ZNF791: variants seen among roughly 807,000 people sequenced by gnomAD.
ZNF791 encodes zinc finger protein 791.
A neutral mutation model predicts 11.5 loss-of-function variants in ZNF791; 4 were observed. The ratio of observed to expected loss-of-function variants is 0.35; its 90% CI spans 0.17 to 0.80. The LOEUF is 0.80. Ranked by LOEUF, ZNF791 falls within the 30% of genes least tolerant of loss-of-function variation. The pLI is 0.53. For missense variants in ZNF791, 559 were observed against 699.4 expected (o/e 0.80, Z 2.26); for synonymous variants, 212 against 228.1 (o/e 0.93, Z 0.64).
rs759938487 is a variant in ZNF791 at position 12,623,756 on chromosome 19, GCT to G, written c.61_62del (p.Leu21GlyfsTer32). The G allele has an allele frequency of 2.5e-6, 4 of 1,613,470 alleles. No homozygotes were observed. Among genetic ancestry groups the G allele is most frequent in the African/African-American group, 1.3e-5 (1 of 74,842 alleles). The part of the protein sequence containing the change: ...VSFSQEEWAL[L>X]APSQKKLYRD... ...GCTTCAGCCAGGAGGAGTGGGCTCTGCTGGCTCCTTCACAGAAGAAACTCTAC... is the reference window on the plus strand; with the variant it reads ...GCTTCAGCCAGGAGGAGTGGGCTCTGGGCTCCTTCACAGAAGAAACTCTAC... On this transcript the variant is annotated frameshift_variant, in exon 2 of 4. Transcript: ENST00000343325. LOFTEE classifies it high-confidence loss of function.
chr19:12,619,125 G>A (rs1240059194), intron 1 of ZNF791, among the ~76,000 whole-genome samples: 1 of 152,138 alleles, frequency 6.6e-6, no homozygotes, highest in Admixed American at 6.5e-5. Flanking sequence ...GATTACAGGC[G>A]TGAGCCACCA....
At chr19:12,614,200 C>T (rs563901052) in intron 1 of ZNF791, among the ~76,000 whole-genome samples, 57 of 152,178 alleles carry the variant, frequency 3.7e-4, no homozygotes, top group African/African-American at 1.3e-3. Flanking sequence ...CCTCCATTAC[C>T]AGGTACTGAC....
In ZNF791 at chr19:12,623,873, G is replaced by GGGT. The variant is rs5827159; in HGVS notation, c.130+49_130+50insTGG. 3.5e-4 allele frequency: 349 copies of GGGT among 992,194 alleles called. 53 individuals carry two copies. Among genetic ancestry groups the GGGT allele is most frequent in the Non-Finnish European group, 4.7e-4 (329 of 696,522 alleles). 61.5% of individuals were successfully genotyped at this position (992,194 alleles called of 1,614,324 possible). A position where few individuals can be genotyped will look rare whatever the true frequency, so the allele number is the denominator to read the frequency against. On this transcript the variant is annotated intron_variant, in intron 2 of 3. Coordinates refer to ENST00000343325, the MANE Select transcript of ZNF791 (RefSeq NM_153358.3). Reference sequence around the variant, plus strand: ...CTTTTTTCTTTTTTTTTTTTTTTGGGGGGGGACAGAGTTTCACTATTGTCC... The same window carrying GGGT: ...CTTTTTTCTTTTTTTTTTTTTTTGGGGGTGGGGGACAGAGTTTCACTATTGTCC...
At chr19:12,626,040 C>A (rs1349342284) in intron 3 of ZNF791, among the ~76,000 whole-genome samples, 2 of 151,770 alleles carry the variant, frequency 1.3e-5, no homozygotes, top group East Asian at 3.9e-4. Context: ...TTTTTTGAGA[C>A]GGAGTCTCGC....
At chr19:12,626,846 C>G (rs2023436826) in intron 3 of ZNF791, among the ~76,000 whole-genome samples, 2 of 152,124 alleles carry the variant, frequency 1.3e-5, no homozygotes, top group South Asian at 2.1e-4. Context: ...ACCTCATGAT[C>G]TGCCCGTCTC....
At chr19:12,614,941 A>G (rs1297123368) in intron 1 of ZNF791, among the ~76,000 whole-genome samples, 1 of 50,600 alleles carries the variant, frequency 2.0e-5, no homozygotes, top group Non-Finnish European at 3.6e-5. Context: ...ACAGCGTCTC[A>G]CTCTGTTGCC....
chr19:12,630,915 G>A lies in ZNF791; in HGVS notation c.*1655G>A, dbSNP rs2023495280. 6.6e-6 allele frequency: 1 copy of A among 152,190 alleles called. No individual in the cohort carries two copies. Among genetic ancestry groups the A allele is most frequent in the Non-Finnish European group, 1.5e-5 (1 of 68,030 alleles). The allele number at this position is 152,190 out of a possible 1,614,324, so 9.4% of individuals were successfully genotyped here. A position where few individuals can be genotyped will look rare whatever the true frequency, so the allele number is the denominator to read the frequency against. On this transcript the variant is annotated 3_prime_UTR_variant, in exon 4 of 4. Transcript: ENST00000343325. ...TTATAAAGAAAATAATGTACAGTAA[G>A]TTAAGGTTTATTCATTATTGAGGAA...
chr19:12,621,201 G>A (rs1395499270), intron 1 of ZNF791, among the ~76,000 whole-genome samples: 1 of 152,146 alleles, frequency 6.6e-6, no homozygotes, highest in African/African-American at 2.4e-5. Flanking sequence ...GCAAAGCCCA[G>A]ATGACATGAT....
At chr19:12,619,688 A>G (rs1404050981) in intron 1 of ZNF791, among the ~76,000 whole-genome samples, 2 of 151,362 alleles carry the variant, frequency 1.3e-5, no homozygotes. Context: ...TGACCTCATG[A>G]TCTACCTGCC....
chr19:12,616,057 G>C (rs1028550483), intron 1 of ZNF791, among the ~76,000 whole-genome samples: 1 of 152,198 alleles, frequency 6.6e-6, no homozygotes, highest in East Asian at 1.9e-4. Flanking sequence ...CAAGGAATGA[G>C]AATTCTTGTT....
intron 1 of ZNF791, among the ~76,000 whole-genome samples, chr19:12,622,122 G>T (rs1305957393): frequency 7.6e-6 from 1 of 130,848 alleles, no homozygotes; most frequent in Admixed American, 7.9e-5. Flanking sequence ...GGCGGTGCAA[G>T]ATGTGCTTTG....
chr19:12,616,782 G>A (rs1461990757), intron 1 of ZNF791, among the ~76,000 whole-genome samples: 1 of 121,560 alleles, frequency 8.2e-6, no homozygotes, highest in African/African-American at 2.8e-5. Context: ...GCAAAAATCT[G>A]TCTGTGCCTT....
At chr19:12,619,446 T>TTA (rs1347837094) in intron 1 of ZNF791, among the ~76,000 whole-genome samples, 9 of 21,346 alleles carry the variant, frequency 4.2e-4, no homozygotes, top group Non-Finnish European at 8.5e-4. Flanking sequence ...AATGTTATCT[T>TTA]TTTTTTTTTT....
chr19:12,625,725 C>T (rs1599326612), intron 3 of ZNF791, among the ~76,000 whole-genome samples: 1 of 142,240 alleles, frequency 7.0e-6, no homozygotes. Flanking sequence ...GCAGAGGTTG[C>T]AGTGAGCCCA....
rs760152425 is a variant in ZNF791, at chr19:12,623,871, G to GA, written c.130+45_130+46insA. On this transcript the variant is annotated intron_variant, in intron 2 of 3. Transcript: ENST00000343325. ...TTCTTTTTTCTTTTTTTTTTTTTTTGGGGGGGGACAGAGTTTCACTATTGT... is the reference window on the plus strand; with the variant it reads ...TTCTTTTTTCTTTTTTTTTTTTTTTGAGGGGGGGACAGAGTTTCACTATTGT... The GA allele has an allele frequency of 4.7e-5, 38 of 811,990 alleles. 5 individuals are homozygous for GA. Among genetic ancestry groups the GA allele is most frequent in the Admixed American group, 1.8e-4 (5 of 27,110 alleles). 50.3% of individuals were successfully genotyped at this position (811,990 alleles called of 1,614,324 possible). A position where few individuals can be genotyped will look rare whatever the true frequency, so the allele number is the denominator to read the frequency against.
intron 1 of ZNF791, among the ~76,000 whole-genome samples, chr19:12,615,652 A>T (rs985860745): frequency 2.6e-5 from 4 of 151,668 alleles, no homozygotes; most frequent in Middle Eastern, 3.4e-3. Flanking sequence ...GGTGGCGCAC[A>T]CCTGTAATCT....
chr19:12,620,046 C>T (rs1183548895), intron 1 of ZNF791, among the ~76,000 whole-genome samples: 1 of 151,962 alleles, frequency 6.6e-6, no homozygotes, highest in Non-Finnish European at 1.5e-5. Flanking sequence ...GCCTCAGCCT[C>T]CCGAGTAGCT....
intron 1 of ZNF791, 84 bp from the exon 2 acceptor site, chr19:12,623,616 A>G: frequency 6.3e-7 from 1 of 1,583,318 alleles, no homozygotes; most frequent in African/African-American, 1.4e-5. Context: ...AGACCACAAA[A>G]TCGTGTGTGA....
chr19:12,628,187 C>A lies in ZNF791; in HGVS notation c.658C>A (p.Gln220Lys), dbSNP rs756185564. The part of the protein sequence containing the change: ...HTGEKPYECK[Q>K]CGKAFSCSSS... ...TGGAGAAAAGCCCTATGAATGTAAA[C>A]AATGTGGGAAAGCCTTCAGTTGTTC... is the stretch of plus-strand genomic sequence containing the variant. Residue 220 changes from glutamine (Q) to lysine (K), a missense_variant, in exon 4 of 4, where the codon CAA (glutamine) becomes AAA (lysine). Physicochemically the swap from Gln to Lys is moderately conservative, Grantham distance 53. Coordinates refer to ENST00000343325, the MANE Select transcript of ZNF791 (RefSeq NM_153358.3). The A allele has an allele frequency of 6.2e-7, 1 of 1,613,976 alleles. No homozygotes were observed. The highest frequency in any genetic ancestry group is 1.3e-5 in the African/African-American group (1 of 75,000).
Sources: allele counts gnomAD v4.1 joint callset (sites outside exome capture counted in the v4.1 genomes callset), GRCh38; gene constraint gnomAD v4.1.1; transcripts MANE v1.5; gene names NCBI Gene and HGNC (gene_info 2026-07-23, HGNC 2026-07-21).